COL23A1: variants seen among roughly 807,000 people sequenced by gnomAD.
COL23A1 encodes the protein collagen alpha-1(XXIII) chain.
Under a neutral mutation model 99.3 loss-of-function variants are expected in COL23A1, and 97 were observed. That is an observed-to-expected ratio of 0.98 (90% CI 0.83 to 1.16). The LOEUF (loss-of-function observed/expected upper bound fraction) is 1.16, where lower values mean the gene tolerates loss of function less well. COL23A1 is among the 50% of genes most tolerant of loss of function. COL23A1 has a pLI of 0.00. For missense variants in COL23A1, 762 were observed against 757.4 expected (o/e 1.01, Z -0.07); for synonymous variants, 320 against 308.2 (o/e 1.04, Z -0.40).
intron 1 of COL23A1, among the ~76,000 whole-genome samples, chr5:178,571,507 T>G (rs1022409685): frequency 6.6e-6 from 1 of 152,118 alleles, no homozygotes; most frequent in African/African-American, 2.4e-5. Context: ...AACAAGACCC[T>G]AAAGGACCAA....
At chr5:178,350,351 G>C (rs2913805) in intron 2 of COL23A1, among the ~76,000 whole-genome samples, 84,507 of 151,970 alleles carry the variant, frequency 0.56, 23,926 homozygotes, top group East Asian at 0.78. Context: ...CCAGCAGCCA[G>C]CACAGTGCCT....
At chr5:178,274,365 G>A (rs1005264059) in intron 5 of COL23A1, among the ~76,000 whole-genome samples, 2 of 152,238 alleles carry the variant, frequency 1.3e-5, no homozygotes, top group Non-Finnish European at 2.9e-5. Flanking sequence ...TCAGGGAAGG[G>A]CCTGGGGCTG....
At chr5:178,379,645 G>A (rs564849300) in intron 2 of COL23A1, among the ~76,000 whole-genome samples, 13 of 152,296 alleles carry the variant, frequency 8.5e-5, no homozygotes, top group Admixed American at 1.3e-4. Flanking sequence ...ACTTTGGGAG[G>A]CCGAGGTGGG....
chr5:178,535,096 C>G (rs569594645), intron 2 of COL23A1, among the ~76,000 whole-genome samples: 1 of 151,928 alleles, frequency 6.6e-6, no homozygotes, highest in African/African-American at 2.4e-5. Context: ...TCAGCCTCCC[C>G]CCAGTAGCTG....
chr5:178,537,260 AG>A (rs200473748), intron 2 of COL23A1, among the ~76,000 whole-genome samples: 2,767 of 152,240 alleles, frequency 0.018, 42 homozygotes, highest in Non-Finnish European at 0.03. Flanking sequence ...GGTTCCTGCG[AG>A]GCCCCCTCCC....
intron 2 of COL23A1, among the ~76,000 whole-genome samples, chr5:178,450,826 G>T (rs1767445988): frequency 6.6e-6 from 1 of 152,290 alleles, no homozygotes; most frequent in East Asian, 1.9e-4. Context: ...AGAAACCAAG[G>T]CCCAAGAAAG....
At chr5:178,259,994 C>A (rs2973746) in intron 11 of COL23A1, among the ~76,000 whole-genome samples, 48,101 of 152,146 alleles carry the variant, frequency 0.32, 8,681 homozygotes, top group South Asian at 0.44. Context: ...TGACTCCTGC[C>A]GTCTCAGAGG....
rs1209240473 is a variant in COL23A1, at chr5:178,428,909, C to T, written c.362-121990G>A. Among the ~76,000 whole-genome samples the T allele has an allele frequency of 1.3e-5, 2 of 152,002 alleles. No individual in the cohort carries two copies. Among genetic ancestry groups the T allele is most frequent in the African/African-American group, 4.8e-5 (2 of 41,370 alleles). ...CCTTTGCCTCCCTATTGTTTCCAAG[C>T]CAGCTCCCTACCCGCACACAGACAG... On this transcript the variant is annotated intron_variant, in intron 2 of 28. Coordinates refer to ENST00000390654, the MANE Select transcript of COL23A1 (RefSeq NM_173465.4). The surrounding 1 kb of genome is among the most constrained non-coding windows in gnomAD (Gnocchi z 5.0).
intron 2 of COL23A1, among the ~76,000 whole-genome samples, chr5:178,535,889 G>A (rs1172647207): frequency 6.6e-6 from 1 of 152,280 alleles, no homozygotes; most frequent in Non-Finnish European, 1.5e-5. Flanking sequence ...GCCTGGCCCA[G>A]TGTGAGGGTC....
At chr5:178,408,025 A>C (rs546022885) in intron 2 of COL23A1, among the ~76,000 whole-genome samples, 6 of 152,338 alleles carry the variant, frequency 3.9e-5, no homozygotes, top group Admixed American at 3.9e-4. Flanking sequence ...GAAGATTTCT[A>C]CACCAAGAAA....
chr5:178,340,461 C>T lies in COL23A1; in HGVS notation c.362-33542G>A, dbSNP rs556733428. On this transcript the variant is annotated intron_variant, in intron 2 of 28. Coordinates refer to ENST00000390654, the MANE Select transcript of COL23A1 (RefSeq NM_173465.4). The surrounding 1 kb of genome is among the most constrained non-coding windows in gnomAD (Gnocchi z 4.7). The stretch of plus-strand genomic sequence containing the variant: ...CAGCTCCACACCACGACTCCAGCTA[C>T]ACTCCAGCCTTGAAGGATCTGAAGC... Among the ~76,000 whole-genome samples the T allele has an allele frequency of 6.6e-5, 10 of 152,300 alleles. No individual in the cohort carries two copies. In the South Asian group the frequency reaches 2.1e-3, roughly 32 times the overall value.
chr5:178,563,993 G>A (rs760703637), intron 1 of COL23A1, among the ~76,000 whole-genome samples: 3 of 152,194 alleles, frequency 2.0e-5, no homozygotes, highest in Non-Finnish European at 4.4e-5. Context: ...CTTCCACACT[G>A]ATTTCATTTT....
chr5:178,329,303 C>T (rs1759872057), intron 2 of COL23A1, among the ~76,000 whole-genome samples: 1 of 152,240 alleles, frequency 6.6e-6, no homozygotes, highest in African/African-American at 2.4e-5. Context: ...CCCGAGTCGG[C>T]TTCCATTGCT....
chr5:178,337,012 A>G (rs1760360419), intron 2 of COL23A1, among the ~76,000 whole-genome samples: 2 of 152,346 alleles, frequency 1.3e-5, no homozygotes, highest in Middle Eastern at 3.4e-3. Flanking sequence ...CGAGCTGCTC[A>G]GAGCGGCGGA....
chr5:178,333,847 C>A (rs1187459600), intron 2 of COL23A1, among the ~76,000 whole-genome samples: 1 of 152,180 alleles, frequency 6.6e-6, no homozygotes, highest in Non-Finnish European at 1.5e-5. Context: ...GAAGGCTGAT[C>A]CACCCTGCTT....
chr5:178,577,109 C>T (rs1231027092), intron 1 of COL23A1, among the ~76,000 whole-genome samples: 1 of 152,190 alleles, frequency 6.6e-6, no homozygotes, highest in Non-Finnish European at 1.5e-5. Context: ...GGCCGAGGCC[C>T]CGGCGCTCCT....
rs1430320454 is a variant in COL23A1, at chr5:178,485,936, CG to C, written c.361+74745del. Among the ~76,000 whole-genome samples the C allele has an allele frequency of 2.6e-5, 4 of 152,166 alleles. No individual in the cohort carries two copies. In the South Asian group the frequency reaches 6.2e-4, roughly 24 times the overall value. On this transcript the variant is annotated intron_variant, in intron 2 of 28. Coordinates refer to ENST00000390654, the MANE Select transcript of COL23A1 (RefSeq NM_173465.4). ...TGGGCAGCAGTGGTGGGAGGGGTGC[CG>C]GGGTGCTTTGCAGAAAAAAGAATCG...
intron 17 of COL23A1, among the ~76,000 whole-genome samples, chr5:178,251,876 TTTTC>T (rs1014919492): frequency 9.2e-5 from 14 of 151,916 alleles, no homozygotes; most frequent in African/African-American, 2.4e-4. Context: ...TTTTCTTTTC[TTTTC>T]TTTCTTTCTC....
chr5:178,518,068 A>G lies in COL23A1; in HGVS notation c.361+42614T>C, dbSNP rs1375011668. Among the ~76,000 whole-genome samples the G allele has an allele frequency of 6.9e-4, 88 of 127,910 alleles. 1 individual carries two copies. Among genetic ancestry groups the G allele is most frequent in the Middle Eastern group, 4.0e-3 (1 of 252 alleles). The allele number at this position is 127,910 out of a possible 152,430, so 83.9% of individuals were successfully genotyped here. A position where few individuals can be genotyped will look rare whatever the true frequency, so the allele number is the denominator to read the frequency against. ...GCCTTCCGCAGTGTTTGTGTCCCTG[A>G]TTACTTGAGATTAGGGATTGGTGAT... On this transcript the variant is annotated intron_variant, in intron 2 of 28. Transcript: ENST00000390654.
Sources: allele counts gnomAD v4.1 joint callset (sites outside exome capture counted in the v4.1 genomes callset), GRCh38; gene constraint gnomAD v4.1.1; non-coding constraint Gnocchi (gnomAD v3.1); transcripts MANE v1.5; gene names NCBI Gene and HGNC (gene_info 2026-07-23, HGNC 2026-07-21).